The following ZNF804B variants were observed in gnomAD, a reference collection of about 807,000 sequenced individuals.
ZNF804B encodes zinc finger 804B.
ZNF804B carries 80 observed loss-of-function variants against 101.4 expected under a neutral mutation model. The ratio of observed to expected loss-of-function variants is 0.79; its 90% CI spans 0.66 to 0.95. ZNF804B has a LOEUF of 0.95. Among genes scored for constraint, ZNF804B ranks in the 40% least tolerant of loss-of-function variants. ZNF804B has a pLI of 0.00. For synonymous variants in ZNF804B, 622 were observed against 558.8 expected (o/e 1.11, Z -1.59); for missense variants, 1,673 against 1,561.9 (o/e 1.07, Z -1.20).
intron 1 of ZNF804B, among the ~76,000 whole-genome samples, chr7:89,097,633 CAAG>C (rs1789988745): frequency 6.6e-6 from 1 of 152,018 alleles, no homozygotes; most frequent in Non-Finnish European, 1.5e-5. Flanking sequence ...TAAAACCTAA[CAAG>C]AAATTAATAG....
At chr7:88,924,538 C>T (rs1414248781) in intron 1 of ZNF804B, among the ~76,000 whole-genome samples, 1 of 152,118 alleles carries the variant, frequency 6.6e-6, no homozygotes, top group Non-Finnish European at 1.5e-5. Flanking sequence ...CATACCTTTA[C>T]CTCTATACCC....
At chr7:89,274,608 G>C (rs1241770780) in intron 2 of ZNF804B, among the ~76,000 whole-genome samples, 1 of 151,528 alleles carries the variant, frequency 6.6e-6, no homozygotes, top group Non-Finnish European at 1.5e-5. Context: ...TACACATAAT[G>C]ATCCTTAGAA....
At chr7:89,280,198 C>G (rs1241640440) in intron 2 of ZNF804B, among the ~76,000 whole-genome samples, 1 of 152,020 alleles carries the variant, frequency 6.6e-6, no homozygotes, top group East Asian at 1.9e-4. Context: ...TAAAGATGTT[C>G]TTTGAAACCA....
chr7:89,174,085 G>A (rs1220789570), intron 1 of ZNF804B, among the ~76,000 whole-genome samples: 5 of 151,852 alleles, frequency 3.3e-5, no homozygotes, highest in Non-Finnish European at 7.4e-5. Flanking sequence ...TTGTGTTACA[G>A]ACATTCCGAT....
chr7:89,274,387 AC>A (rs1789946348), intron 2 of ZNF804B, among the ~76,000 whole-genome samples: 1 of 119,044 alleles, frequency 8.4e-6, no homozygotes, highest in Admixed American at 1.1e-4. Context: ...TTCAATTCCC[AC>A]CTATGAGTGA....
rs79888603 is a variant in ZNF804B, at chr7:89,220,258, G to A, written c.249+1963G>A. 2.7e-5 allele frequency among the ~76,000 whole-genome samples: 4 copies of A among 150,628 alleles called. No individual in the cohort carries two copies. The East Asian group carries it at 7.8e-4, about 29-fold the overall frequency. The stretch of plus-strand genomic sequence containing the variant: ...CCTAAACGTAAGATATATGTATATA[G>A]TTGGCTTCGTTTCTCTGACAAGGGC... On this transcript the variant is annotated intron_variant, in intron 2 of 3. Transcript: ENST00000333190.
At chr7:89,132,824 G>A (rs1351779679) in intron 1 of ZNF804B, among the ~76,000 whole-genome samples, 1 of 151,978 alleles carries the variant, frequency 6.6e-6, no homozygotes, top group Non-Finnish European at 1.5e-5. Flanking sequence ...ATAGACCCTA[G>A]GCTCAATGCT....
intron 1 of ZNF804B, among the ~76,000 whole-genome samples, chr7:89,062,194 C>G (rs1789391939): frequency 1.3e-5 from 2 of 152,116 alleles, no homozygotes; most frequent in African/African-American, 4.8e-5. Flanking sequence ...TCCTGCCACT[C>G]ACATACTTAG....
chr7:89,038,291 C>T (rs1359636593), intron 1 of ZNF804B, among the ~76,000 whole-genome samples: 6 of 152,200 alleles, frequency 3.9e-5, no homozygotes, highest in South Asian at 4.1e-4. Context: ...CAACAGTGTA[C>T]GAGAGTTCCC....
rs1389431350 is a variant in ZNF804B at position 89,112,097 on chromosome 7, C to T, written c.109-106058C>T. ...CTCCAGCCTAGGTGACAGAGTGGGA[C>T]TCTATCTCAAAAAAAAAAAAAAAAA... On this transcript the variant is annotated intron_variant, in intron 1 of 3. Transcript: ENST00000333190. Among the ~76,000 whole-genome samples, 5 of 132,416 alleles carry T rather than the reference C, an allele frequency of 3.8e-5. No homozygotes were observed. The Admixed American group carries it at 3.8e-4, about 10-fold the overall frequency. 86.9% of individuals were successfully genotyped at this position (132,416 alleles called of 152,430 possible).
At chr7:89,279,603 A>C (rs1485207303) in intron 2 of ZNF804B, among the ~76,000 whole-genome samples, 1 of 152,094 alleles carries the variant, frequency 6.6e-6, no homozygotes, top group Non-Finnish European at 1.5e-5. Context: ...GCATCTATTG[A>C]GATAATCTTG....
chr7:89,042,570 TAGTTA>T (rs1789031944), intron 1 of ZNF804B, among the ~76,000 whole-genome samples: 1 of 152,214 alleles, frequency 6.6e-6, no homozygotes, highest in African/African-American at 2.4e-5. Flanking sequence ...TTTTCCTATA[TAGTTA>T]AGTTATAACC....
At position 88,856,086 on chromosome 7, in the gene ZNF804B, G is replaced by A. The variant is rs182401535; in HGVS notation, c.108+96002G>A. Among the ~76,000 whole-genome samples the A allele has an allele frequency of 4.2e-3, 636 of 152,154 alleles. 7 individuals are homozygous for A. Among genetic ancestry groups the A allele is most frequent in the African/African-American group, 0.015 (606 of 41,502 alleles). Reference sequence around the variant, plus strand: ...TGGCTTAGGATTGACTTGGCGATGCGGGCTCTTTTTTCATTCCATATGAAC... The same window carrying A: ...TGGCTTAGGATTGACTTGGCGATGCAGGCTCTTTTTTCATTCCATATGAAC... On this transcript the variant is annotated intron_variant, in intron 1 of 3. Coordinates refer to ENST00000333190, the MANE Select transcript of ZNF804B (RefSeq NM_181646.5).
intron 2 of ZNF804B, among the ~76,000 whole-genome samples, chr7:89,318,631 C>T (rs994645512): frequency 4.6e-5 from 7 of 152,102 alleles, no homozygotes; most frequent in South Asian, 2.1e-4. Context: ...CGTGTGGTGG[C>T]GAGCACCTGT....
intron 1 of ZNF804B, among the ~76,000 whole-genome samples, chr7:89,076,272 C>A (rs147344010): frequency 8.7e-4 from 132 of 152,254 alleles, no homozygotes; most frequent in Middle Eastern, 6.8e-3. Flanking sequence ...ATTCCACAAT[C>A]CCCCTGTGTC....
chr7:89,278,134 TG>T (rs1381246758), intron 2 of ZNF804B, among the ~76,000 whole-genome samples: 1 of 152,262 alleles, frequency 6.6e-6, no homozygotes, highest in African/African-American at 2.4e-5. Context: ...GTTTCTTGGC[TG>T]CATAAATGTC....
At chr7:89,197,753 A>G (rs1205816802) in intron 1 of ZNF804B, among the ~76,000 whole-genome samples, 2 of 151,886 alleles carry the variant, frequency 1.3e-5, no homozygotes, top group African/African-American at 4.8e-5. Flanking sequence ...ATAATAGTAT[A>G]TGCACAGGTT....
At chr7:89,157,192 A>G (rs1790992052) in intron 1 of ZNF804B, among the ~76,000 whole-genome samples, 2 of 152,202 alleles carry the variant, frequency 1.3e-5, no homozygotes, top group African/African-American at 2.4e-5. Flanking sequence ...TAGGTTGGAC[A>G]TAGTTAGGTT....
chr7:89,256,826 A>C (rs995578812), intron 2 of ZNF804B, among the ~76,000 whole-genome samples: 1 of 152,214 alleles, frequency 6.6e-6, no homozygotes, highest in African/African-American at 2.4e-5. Context: ...AGGATGGTGC[A>C]GCTGGCTACA....
Sources: allele counts gnomAD v4.1 joint callset (sites outside exome capture counted in the v4.1 genomes callset), GRCh38; gene constraint gnomAD v4.1.1; transcripts MANE v1.5; gene names NCBI Gene and HGNC (gene_info 2026-07-23, HGNC 2026-07-21).